Variants in BANF2 observed in about 807,000 individuals in gnomAD.
The protein encoded by BANF2 is BANF family member 2.
A neutral mutation model predicts 8.0 loss-of-function variants in BANF2; 4 were observed. That is an observed-to-expected ratio of 0.50 (90% CI 0.25 to 1.14). BANF2 has a LOEUF of 1.14. Among genes scored for constraint, BANF2 ranks in the 50% most tolerant of loss-of-function variants. BANF2 has a pLI of 0.16. For missense variants in BANF2, 96 were observed against 107.5 expected (o/e 0.89, Z 0.47); for synonymous variants, 50 against 40.6 (o/e 1.23, Z -0.88).
In BANF2 at chr20:17,704,579, C is replaced by T. The variant is rs564874346; in HGVS notation, c.-167+4524C>T. 9.8e-5 allele frequency among the ~76,000 whole-genome samples: 15 copies of T among 152,364 alleles called. No homozygotes were observed. The East Asian group carries it at 2.7e-3, about 27-fold the overall frequency. ...TCCCAGGCATCTGGGCTTGTGCCCA[C>T]ATAGGGTAACTGTCCCATCCTACCT... On this transcript the variant is annotated intron_variant, in intron 1 of 3. Transcript: ENST00000246090.
At chr20:17,732,592 G>T (rs2037915306) in intron 3 of BANF2, among the ~76,000 whole-genome samples, 1 of 152,164 alleles carries the variant, frequency 6.6e-6, no homozygotes, top group Non-Finnish European at 1.5e-5. Context: ...CCTGACCTCA[G>T]ATGATCTGCC....
intron 1 of BANF2, among the ~76,000 whole-genome samples, chr20:17,713,251 A>G (rs1032179339): frequency 7.9e-5 from 12 of 152,010 alleles, no homozygotes; most frequent in Non-Finnish European, 2.9e-5. Flanking sequence ...CCATTTTAAA[A>G]AGAAAGAATG....
chr20:17,720,461 C>G (rs1019646665), intron 1 of BANF2, among the ~76,000 whole-genome samples: 7 of 152,174 alleles, frequency 4.6e-5, no homozygotes, highest in Admixed American at 2.0e-4. Flanking sequence ...TAACATTATG[C>G]TAAGTGAAAT....
chr20:17,704,927 G>A (rs1309586474), intron 1 of BANF2, among the ~76,000 whole-genome samples: 1 of 152,168 alleles, frequency 6.6e-6, no homozygotes, highest in East Asian at 1.9e-4. Context: ...CAGCAAGAAG[G>A]GGGCACCACT....
intron 1 of BANF2, among the ~76,000 whole-genome samples, chr20:17,713,479 C>T (rs1012121605): frequency 6.6e-6 from 1 of 152,118 alleles, no homozygotes; most frequent in Non-Finnish European, 1.5e-5. Flanking sequence ...TGAGAATGTT[C>T]TGAAGATTGG....
Position 17,702,340 on chromosome 20 carries a change from G to A in BANF2, c.-167+2285G>A, listed in dbSNP as rs144319720. ...CACTGGCCCGGCCCCTCACTCTGAT[G>A]GGGCAAGATGGAGCGATGTCTATAC... On this transcript the variant is annotated intron_variant, in intron 1 of 3. Coordinates refer to ENST00000246090, the MANE Select transcript of BANF2 (RefSeq NM_178477.5). Among the ~76,000 whole-genome samples the A allele has an allele frequency of 3.0e-3, 459 of 152,318 alleles. 2 individuals are homozygous for A. The highest frequency in any genetic ancestry group is 0.011 in the African/African-American group (443 of 41,578).
At chr20:17,722,961 A>G in intron 2 of BANF2, 83 bp downstream of exon 2, 1 of 857,584 alleles carries the variant, frequency 1.2e-6, no homozygotes. Context: ...ACGTCATCGA[A>G]TGCTTACCAT....
chr20:17,713,449 G>C (rs1265283112), intron 1 of BANF2, among the ~76,000 whole-genome samples: 3 of 152,118 alleles, frequency 2.0e-5, no homozygotes, highest in Non-Finnish European at 4.4e-5. Context: ...AGGGGGAAAT[G>C]GGGAGTTGTT....
upstream of BANF2, among the ~76,000 whole-genome samples, chr20:17,698,078 G>T (rs2122558469): frequency 6.6e-6 from 1 of 152,182 alleles, no homozygotes; most frequent in African/African-American, 2.4e-5. Context: ...GTGGTGGTGG[G>T]TGCCTGTAAA....
At chr20:17,726,092 T>G (rs1432497999) in intron 3 of BANF2, among the ~76,000 whole-genome samples, 1 of 152,206 alleles carries the variant, frequency 6.6e-6, no homozygotes, top group Non-Finnish European at 1.5e-5. Flanking sequence ...GTGCCCCTAT[T>G]GGGTAGATTG....
chr20:17,720,322 G>A (rs2037710815), intron 1 of BANF2, among the ~76,000 whole-genome samples: 1 of 152,206 alleles, frequency 6.6e-6, no homozygotes, highest in African/African-American at 2.4e-5. Flanking sequence ...AGCATAAGGT[G>A]GGAGCATCCC....
chr20:17,696,751 C>G (rs149719065), upstream of BANF2, among the ~76,000 whole-genome samples: 2 of 152,254 alleles, frequency 1.3e-5, no homozygotes, highest in Non-Finnish European at 2.9e-5. Flanking sequence ...GAAAATAACT[C>G]TGGGTGCCAT....
chr20:17,711,831 A>G (rs968270601), intron 1 of BANF2, among the ~76,000 whole-genome samples: 4 of 152,214 alleles, frequency 2.6e-5, no homozygotes, highest in African/African-American at 9.7e-5. Flanking sequence ...CAGCTGGTCA[A>G]GGAGACCTGC....
intron 1 of BANF2, among the ~76,000 whole-genome samples, chr20:17,701,734 A>G (rs1044207010): frequency 7.2e-5 from 11 of 152,200 alleles, no homozygotes; most frequent in Non-Finnish European, 1.6e-4. Flanking sequence ...GAGAACTGGG[A>G]AGAACCATAG....
chr20:17,704,975 G>A (rs754018616), intron 1 of BANF2, among the ~76,000 whole-genome samples: 3 of 152,240 alleles, frequency 2.0e-5, no homozygotes, highest in Non-Finnish European at 4.4e-5. Flanking sequence ...CCAGGATTCT[G>A]TCTGGCTGGC....
rs142817994 is a variant in BANF2 at position 17,705,150 on chromosome 20, T to A, written c.-167+5095T>A. Among the ~76,000 whole-genome samples, 8 of 138,398 alleles carry A rather than the reference T, an allele frequency of 5.8e-5. No individual in the cohort carries two copies. In the South Asian group the frequency reaches 8.6e-4, roughly 15 times the overall value. 90.8% of individuals were successfully genotyped at this position (138,398 alleles called of 152,430 possible). A position where few individuals can be genotyped will look rare whatever the true frequency, so the allele number is the denominator to read the frequency against. On this transcript the variant is annotated intron_variant, in intron 1 of 3. Coordinates refer to ENST00000246090, the MANE Select transcript of BANF2 (RefSeq NM_178477.5). ...CCTGGTCATGTGTGTTGTTACCTCA[T>A]TGGCGAGGCCTGGTCATGTGTGTCC...
chr20:17,712,616 G>A (rs6034887), intron 1 of BANF2: 12,324 of 835,364 alleles, frequency 0.015, 299 homozygotes, highest in African/African-American at 0.098. Context: ...AGGGTAGTGC[G>A]GATAATGAGG....
At chr20:17,728,364 ATCGGC>A (rs1486761430) in intron 3 of BANF2, among the ~76,000 whole-genome samples, 1 of 152,158 alleles carries the variant, frequency 6.6e-6, no homozygotes, top group Non-Finnish European at 1.5e-5. Context: ...GCACTCAGCC[ATCGGC>A]TCTCTCTAGA....
chr20:17,732,683 G>A (rs567971373), intron 3 of BANF2, among the ~76,000 whole-genome samples: 3 of 152,126 alleles, frequency 2.0e-5, no homozygotes, highest in Non-Finnish European at 4.4e-5. Context: ...GCTGCAGGAC[G>A]GAATGTAATT....
Sources: gnomAD v4.1 joint callset for allele counts (sites outside exome capture counted in the v4.1 genomes callset) on GRCh38, gnomAD v4.1.1 for gene constraint, MANE v1.5 for transcripts, NCBI Gene and HGNC (gene_info 2026-07-23, HGNC 2026-07-21) for gene names.